The following UBE2E2 variants were observed in gnomAD, a reference collection of about 807,000 sequenced individuals.
UBE2E2 encodes ubiquitin conjugating enzyme E2 E2.
In UBE2E2, 6 loss-of-function variants were observed where a neutral mutation model predicts 24.7. The observed-to-expected ratio is 0.24, with a 90% CI of 0.13 to 0.48. The LOEUF (loss-of-function observed/expected upper bound fraction) is 0.48. Among genes scored for constraint, UBE2E2 ranks in the 20% least tolerant of loss-of-function variants. UBE2E2 has a pLI of 0.99. For missense variants in UBE2E2, 169 were observed against 245.0 expected (o/e 0.69, Z 2.07); for synonymous variants, 104 against 83.6 (o/e 1.24, Z -1.33).
intron 3 of UBE2E2, among the ~76,000 whole-genome samples, chr3:23,471,834 A>G (rs1699037604): frequency 1.3e-5 from 2 of 152,192 alleles, no homozygotes; most frequent in African/African-American, 4.8e-5. Flanking sequence ...GGGAGACCAC[A>G]TTTTGTAAAA....
At chr3:23,556,366 C>G (rs1406197401) in intron 5 of UBE2E2, among the ~76,000 whole-genome samples, 1 of 147,790 alleles carries the variant, frequency 6.8e-6, no homozygotes, top group Non-Finnish European at 1.5e-5. Flanking sequence ...TGGTCTCAAT[C>G]TCTTGACCTC....
intron 1 of UBE2E2, among the ~76,000 whole-genome samples, chr3:23,204,097 G>A (rs920010060): frequency 3.3e-5 from 5 of 151,960 alleles, no homozygotes; most frequent in African/African-American, 1.2e-4. Flanking sequence ...GCCCCCACTG[G>A]CCTGGTTTGA....
chr3:23,359,508 ATC>A (rs1284587498), intron 3 of UBE2E2, among the ~76,000 whole-genome samples: 2 of 152,158 alleles, frequency 1.3e-5, no homozygotes, highest in African/African-American at 4.8e-5. Context: ...CTTTTTCATA[ATC>A]TCTATAACTG....
chr3:23,249,609 T>A (rs1697515214), intron 3 of UBE2E2, among the ~76,000 whole-genome samples: 1 of 151,932 alleles, frequency 6.6e-6, no homozygotes, highest in South Asian at 2.1e-4. Context: ...AAATTCAGGT[T>A]ATTTTAATTT....
chr3:23,464,270 C>A (rs1698874388), intron 3 of UBE2E2, among the ~76,000 whole-genome samples: 1 of 152,024 alleles, frequency 6.6e-6, no homozygotes, highest in South Asian at 2.1e-4. Context: ...TCTAAGGAGA[C>A]AAAACCAGTA....
chr3:23,482,377 C>G (rs1226660854), intron 3 of UBE2E2, among the ~76,000 whole-genome samples: 1 of 152,124 alleles, frequency 6.6e-6, no homozygotes. Context: ...TGCTTATCAT[C>G]TCTTTCCACC....
Position 23,273,344 on chromosome 3 carries a change from G to C in UBE2E2, c.227+56032G>C, listed in dbSNP as rs1698297815. ...CACGAGGTCAGGAGATCGAGACCAT[G>C]GTGAAACCCCGTCTCTACTAAAAAT... On this transcript the variant is annotated intron_variant, in intron 3 of 5. Coordinates refer to ENST00000396703, the MANE Select transcript of UBE2E2 (RefSeq NM_152653.4). Among the ~76,000 whole-genome samples the C allele has an allele frequency of 2.0e-5, 3 of 152,034 alleles. No homozygotes were observed. In the South Asian group the frequency reaches 6.2e-4, roughly 32 times the overall value.
intron 3 of UBE2E2, among the ~76,000 whole-genome samples, chr3:23,294,259 C>T (rs910020451): frequency 2.6e-5 from 4 of 152,120 alleles, no homozygotes; most frequent in African/African-American, 9.7e-5. Context: ...GCAATTCTCA[C>T]CTAGCCATAA....
chr3:23,417,071 TCCGTCCAGTTTTGTTC>T (rs1177394117), intron 3 of UBE2E2, among the ~76,000 whole-genome samples: 1 of 152,216 alleles, frequency 6.6e-6, no homozygotes, highest in Non-Finnish European at 1.5e-5. Context: ...TAACTCATTC[TCCGTCCAGTTTTGTTC>T]CCTTGCTGGC....
At chr3:23,316,568 C>T (rs1383860711) in intron 3 of UBE2E2, among the ~76,000 whole-genome samples, 2 of 151,982 alleles carry the variant, frequency 1.3e-5, no homozygotes, top group East Asian at 3.9e-4. Flanking sequence ...CCAAGGCCTA[C>T]AACTGGCGAC....
chr3:23,299,511 A>T (rs1311350747), intron 3 of UBE2E2, among the ~76,000 whole-genome samples: 1 of 152,012 alleles, frequency 6.6e-6, no homozygotes, highest in Non-Finnish European at 1.5e-5. Flanking sequence ...TTCAAAGAAC[A>T]TCTTTATTTC....
At chr3:23,293,935 G>T (rs1401763104) in intron 3 of UBE2E2, among the ~76,000 whole-genome samples, 1 of 152,174 alleles carries the variant, frequency 6.6e-6, no homozygotes, top group African/African-American at 2.4e-5. Context: ...GCACAGCATA[G>T]CGAGCTCTTT....
At chr3:23,558,979 C>G (rs1275281088) in intron 5 of UBE2E2, among the ~76,000 whole-genome samples, 1 of 152,118 alleles carries the variant, frequency 6.6e-6, no homozygotes, top group East Asian at 1.9e-4. Context: ...TAGTTATTAT[C>G]ATTCCTAAGA....
At chr3:23,502,170 G>A (rs544893931) in intron 4 of UBE2E2, among the ~76,000 whole-genome samples, 6 of 151,304 alleles carry the variant, frequency 4.0e-5, no homozygotes, top group South Asian at 2.1e-4. Flanking sequence ...ACTGTAAATA[G>A]TACATGTTTC....
chr3:23,203,284 C>A, upstream of UBE2E2: 2 of 987,732 alleles, frequency 2.0e-6, no homozygotes, highest in Non-Finnish European at 2.4e-6. Context: ...CGGGCGCGAG[C>A]GCGGCGGGGA....
chr3:23,311,032 G>C (rs1649319208), intron 3 of UBE2E2, among the ~76,000 whole-genome samples: 1 of 152,050 alleles, frequency 6.6e-6, no homozygotes, highest in African/African-American at 2.4e-5. Flanking sequence ...GATGGGCCCT[G>C]GTGTGTGATG....
At chr3:23,476,795 C>T (rs1383222131) in intron 3 of UBE2E2, among the ~76,000 whole-genome samples, 1 of 152,136 alleles carries the variant, frequency 6.6e-6, no homozygotes, top group South Asian at 2.1e-4. Flanking sequence ...TATTTCCATT[C>T]TTTCTGTTAT....
intron 5 of UBE2E2, among the ~76,000 whole-genome samples, chr3:23,556,248 G>C (rs1335277336): frequency 1.4e-5 from 2 of 145,606 alleles, no homozygotes; most frequent in African/African-American, 5.1e-5. Flanking sequence ...AGGTTCAAGC[G>C]ATTCTTCTGC....
chr3:23,318,962 A>G (rs1047365366), intron 3 of UBE2E2, among the ~76,000 whole-genome samples: 1 of 152,226 alleles, frequency 6.6e-6, no homozygotes, highest in African/African-American at 2.4e-5. Context: ...TTAAGATTGC[A>G]TCTTTTCCAG....
Sources: allele counts gnomAD v4.1 joint callset (sites outside exome capture counted in the v4.1 genomes callset), GRCh38; gene constraint gnomAD v4.1.1; transcripts MANE v1.5; gene names NCBI Gene and HGNC (gene_info 2026-07-23, HGNC 2026-07-21).